PIK3C3: variants seen among roughly 807,000 people sequenced by gnomAD.
The protein encoded by PIK3C3 is phosphatidylinositol 3-kinase catalytic subunit type 3, also known as PI3-kinase type 3.
A neutral mutation model predicts 126.1 loss-of-function variants in PIK3C3; 95 were observed. The ratio of observed to expected loss-of-function variants is 0.75; its 90% CI spans 0.64 to 0.89. The LOEUF (loss-of-function observed/expected upper bound fraction) is 0.89, where lower values mean the gene tolerates loss of function less well. Ranked by LOEUF, PIK3C3 falls within the 40% of genes least tolerant of loss-of-function variation. The pLI, the probability that PIK3C3 is intolerant of heterozygous loss-of-function variation, is 0.00. For synonymous variants in PIK3C3, 374 were observed against 360.0 expected (o/e 1.04, Z -0.44); for missense variants, 829 against 1,063.2 (o/e 0.78, Z 3.06).
chr18:42,037,732 A>G lies in PIK3C3; in HGVS notation c.1880A>G (p.Asp627Gly), dbSNP rs146869829. The G allele has an allele frequency of 3.3e-4, 530 of 1,612,218 alleles. No individual in the cohort carries two copies. The Admixed American group carries it at 8.0e-3, about 24-fold the overall frequency. ...MPAQLFFKTEDGGKYPVIFKH... is the reference protein window; with the variant it reads ...MPAQLFFKTEGGGKYPVIFKH... ...GCACAGTTGTTTTTTAAGACGGAAG[A>G]TGGAGGCAAATATCCAGTTATATTT... is the stretch of plus-strand genomic sequence containing the variant. The change falls in exon 17 of 25, where the codon GAT becomes GGT. Residue 627 changes from aspartate to glycine, a missense_variant. Around this residue, in one of 4 missense-constraint regions of PIK3C3, gnomAD observed 256 missense variants for 291.0 expected, o/e 0.88. Coordinates refer to ENST00000262039, the MANE Select transcript of PIK3C3 (RefSeq NM_002647.4).
At chr18:42,020,038 T>C (rs1188771406) in intron 12 of PIK3C3, among the ~76,000 whole-genome samples, 1 of 152,154 alleles carries the variant, frequency 6.6e-6, no homozygotes, top group Non-Finnish European at 1.5e-5. Flanking sequence ...AATAGCATCT[T>C]AACTGATCTC....
chr18:42,078,507 G>T (rs1407087449), intron 24 of PIK3C3, among the ~76,000 whole-genome samples: 4 of 151,790 alleles, frequency 2.6e-5, no homozygotes, highest in Admixed American at 2.6e-4. Context: ...ATTCTTAGGG[G>T]CCCTAGGATT....
intron 4 of PIK3C3, among the ~76,000 whole-genome samples, chr18:41,983,003 A>G (rs1470466753): frequency 6.6e-6 from 1 of 152,078 alleles, no homozygotes; most frequent in Non-Finnish European, 1.5e-5. Flanking sequence ...TTCTTGGTTC[A>G]TTTTCTATTT....
Position 41,993,308 on chromosome 18 carries a change from A to C in PIK3C3, c.753A>C (p.Glu251Asp). Residue 251 changes from glutamate to aspartate, a missense_variant, in exon 7 of 25, where the codon GAA becomes GAC. By Grantham distance (45) the Glu-to-Asp change is conservative (BLOSUM62 2). Coordinates refer to ENST00000262039, the MANE Select transcript of PIK3C3 (RefSeq NM_002647.4). The part of the protein sequence containing the change: ...DESSPILTSF[E>D]LVKVPDPQMS... The stretch of plus-strand genomic sequence containing the variant: ...CATCTCCAATTTTAACAAGTTTTGA[A>C]TTAGTGAAAGTTCCTGACCCCCAGA... 6.2e-7 allele frequency: 1 copy of C among 1,610,068 alleles called. No homozygotes were observed. The highest frequency in any genetic ancestry group is 8.5e-7 in the Non-Finnish European group (1 of 1,177,136).
At chr18:42,018,077 GATA>G (rs1983158289) in intron 12 of PIK3C3, among the ~76,000 whole-genome samples, 1 of 148,422 alleles carries the variant, frequency 6.7e-6, no homozygotes, top group Non-Finnish European at 1.5e-5. Flanking sequence ...CTTCAGATTT[GATA>G]ATATTATTGT....
rs1986373227 is a variant in PIK3C3 at position 42,085,134 on chromosome 18, A to T, written c.*3997A>T. ...CCTAACAAAAAGCACTTTTCTATAT[A>T]ATGAGTGGTTTATATTAAGAATAGG... On this transcript the variant is annotated 3_prime_UTR_variant, in exon 25 of 25. Transcript: ENST00000262039. 1 of 152,132 alleles carries T rather than the reference A, an allele frequency of 6.6e-6. No homozygotes were observed. Among genetic ancestry groups the T allele is most frequent in the Non-Finnish European group, 1.5e-5 (1 of 68,038 alleles). The allele number at this position is 152,132 out of a possible 1,614,324, so 9.4% of individuals were successfully genotyped here.
intron 4 of PIK3C3, among the ~76,000 whole-genome samples, chr18:41,983,164 A>G (rs965008834): frequency 6.6e-6 from 1 of 152,152 alleles, no homozygotes; most frequent in Non-Finnish European, 1.5e-5. Flanking sequence ...AGTGCTTACT[A>G]TATTGAATGA....
chr18:42,076,089 CATATATATATATATATAT>C (rs71174077), intron 24 of PIK3C3, among the ~76,000 whole-genome samples: 3 of 54,646 alleles, frequency 5.5e-5, no homozygotes, highest in Admixed American at 2.1e-4. Context: ...CTTTACCTTG[CATATATATATATATATAT>C]ATATATATAT....
intron 24 of PIK3C3, among the ~76,000 whole-genome samples, chr18:42,070,821 G>C: frequency 1.3e-5 from 2 of 152,246 alleles, no homozygotes; most frequent in Non-Finnish European, 2.9e-5. Context: ...TGAGTTATTG[G>C]CGTGTACCTA....
At chr18:41,959,463 C>T (rs536359582) in intron 2 of PIK3C3, among the ~76,000 whole-genome samples, 24 of 151,046 alleles carry the variant, frequency 1.6e-4, no homozygotes, top group Admixed American at 3.3e-4. Flanking sequence ...TTATTTAAAA[C>T]GACTTTGAAA....
intron 13 of PIK3C3, chr18:42,026,165 G>A (rs1226961669): frequency 6.6e-6 from 1 of 152,128 alleles, no homozygotes; most frequent in African/African-American, 2.4e-5. Context: ...AAAGTCCTGG[G>A]TTTCAATCTC....
At chr18:42,016,787 G>A (rs372375435) in intron 12 of PIK3C3, among the ~76,000 whole-genome samples, 1 of 152,070 alleles carries the variant, frequency 6.6e-6, no homozygotes, top group African/African-American at 2.4e-5. Context: ...GGATCCAGGA[G>A]AGAATTGGAT....
At chr18:41,977,500 ATTT>A (rs200563316) in intron 4 of PIK3C3, among the ~76,000 whole-genome samples, 2,219 of 146,414 alleles carry the variant, frequency 0.015, 64 homozygotes, top group South Asian at 0.12. Context: ...ATATATGTGT[ATTT>A]TTTTTTTTTT....
In PIK3C3 at chr18:41,957,773, G is replaced by T; in HGVS notation, c.257+15G>T. Reference sequence around the variant, plus strand: ...ACAAGATGGAAGTAAGTTTTTTTGTGGCATATGGTATGTTACAGACTGTTC... The same window carrying T: ...ACAAGATGGAAGTAAGTTTTTTTGTTGCATATGGTATGTTACAGACTGTTC... On this transcript the variant is annotated intron_variant, in intron 2 of 24. Transcript: ENST00000262039. 6.3e-7 allele frequency: 1 copy of T among 1,598,068 alleles called. No individual in the cohort carries two copies. Among genetic ancestry groups the T allele is most frequent in the South Asian group, 1.1e-5 (1 of 90,068 alleles).
chr18:42,043,417 G>A (rs1483700275), intron 19 of PIK3C3, among the ~76,000 whole-genome samples: 4 of 152,008 alleles, frequency 2.6e-5, no homozygotes, highest in South Asian at 4.1e-4. Flanking sequence ...TTAATAGTAC[G>A]TTAATCGTAT....
intron 24 of PIK3C3, among the ~76,000 whole-genome samples, chr18:42,068,860 G>A (rs1438451849): frequency 6.7e-6 from 1 of 149,090 alleles, no homozygotes; most frequent in African/African-American, 2.5e-5. Context: ...TGAGGCAGGA[G>A]AATGGCATGA....
Position 42,020,633 on chromosome 18 carries a change from T to C in PIK3C3, c.1417-5T>C. 2 of 1,585,698 alleles carry C rather than the reference T, an allele frequency of 1.3e-6. No homozygotes were observed. The highest frequency in any genetic ancestry group is 2.3e-5 in the South Asian group (2 of 88,124). ...TATATAATACATTTCTTTTAATTCTTTCAGCAAGATCTCTGTACCTTCTTG... is the reference window on the plus strand; with the variant it reads ...TATATAATACATTTCTTTTAATTCTCTCAGCAAGATCTCTGTACCTTCTTG... On this transcript the variant is annotated splice_polypyrimidine_tract_variant and splice_region_variant and intron_variant, in intron 12 of 24. Coordinates refer to ENST00000262039, the MANE Select transcript of PIK3C3 (RefSeq NM_002647.4).
intron 3 of PIK3C3, among the ~76,000 whole-genome samples, chr18:41,964,448 T>C (rs1980254447): frequency 6.6e-6 from 1 of 152,072 alleles, no homozygotes; most frequent in South Asian, 2.1e-4. Flanking sequence ...GAAAGAACAA[T>C]AGTATCCACC....
At chr18:41,981,087 A>T (rs1247208128) in intron 4 of PIK3C3, among the ~76,000 whole-genome samples, 3 of 152,212 alleles carry the variant, frequency 2.0e-5, no homozygotes, top group Admixed American at 2.0e-4. Flanking sequence ...TAGCTTTTAT[A>T]AACATATCTT....
Sources: gnomAD v4.1 joint callset for allele counts (sites outside exome capture counted in the v4.1 genomes callset) on GRCh38, gnomAD v4.1.1 for gene constraint, gnomAD v4.1.1 regional missense constraint, MANE v1.5 for transcripts, NCBI Gene and HGNC (gene_info 2026-07-23, HGNC 2026-07-21) for gene names.